The following RIGI variants were observed in gnomAD, a reference collection of about 807,000 sequenced individuals.
The protein encoded by RIGI is antiviral innate immune response receptor RIG-I.
At chr9:32,525,673 C>A in the RIGI span, among the ~76,000 whole-genome samples, 3 of 152,296 alleles carry the variant, frequency 2.0e-5, no homozygotes, top group East Asian at 3.9e-4. Flanking sequence ...ATTATCTGCC[C>A]TTTGTGTCCC....
At chr9:32,486,762 G>A in the RIGI span, among the ~76,000 whole-genome samples, 485 of 152,230 alleles carry the variant, frequency 3.2e-3, no homozygotes, top group Non-Finnish European at 4.8e-3. Flanking sequence ...AAGCTCAGAG[G>A]GCAGGAGGAA....
chr9:32,511,137 A>T, the RIGI span, among the ~76,000 whole-genome samples: 2 of 152,216 alleles, frequency 1.3e-5, no homozygotes, highest in Non-Finnish European at 2.9e-5. Flanking sequence ...ACACAATAAT[A>T]GTGGGAGACT....
chr9:32,480,425 G>C, the RIGI span: 1 of 1,394,428 alleles, frequency 7.2e-7, no homozygotes, highest in Non-Finnish European at 9.6e-7. Flanking sequence ...AGTTCAATTC[G>C]TTGTATTTAA....
the RIGI span, chr9:32,457,149 T>A: frequency 3.7e-6 from 6 of 1,613,746 alleles, no homozygotes; most frequent in Non-Finnish European, 4.2e-6. Flanking sequence ...CTGGATCAAA[T>A]GGTATCTTCT....
the RIGI span, among the ~76,000 whole-genome samples, chr9:32,500,245 T>C: frequency 2.6e-5 from 4 of 152,228 alleles, no homozygotes; most frequent in African/African-American, 9.6e-5. Context: ...AGAATCAACC[T>C]GCCACACTCA....
At chr9:32,478,978 A>T in the RIGI span, among the ~76,000 whole-genome samples, 3 of 152,222 alleles carry the variant, frequency 2.0e-5, no homozygotes, top group African/African-American at 7.2e-5. Context: ...GTTTTTGAAA[A>T]ACTATTATAC....
chr9:32,497,152 T>A, the RIGI span, among the ~76,000 whole-genome samples: 5 of 152,216 alleles, frequency 3.3e-5, no homozygotes, highest in African/African-American at 1.2e-4. Context: ...TATAGGCAAC[T>A]TAAGTCTTTA....
At chr9:32,521,821 A>G in the RIGI span, among the ~76,000 whole-genome samples, 3 of 152,140 alleles carry the variant, frequency 2.0e-5, no homozygotes, top group South Asian at 6.2e-4. Context: ...AATGATGATT[A>G]TTATGTTAAA....
chr9:32,497,052 A>T, the RIGI span, among the ~76,000 whole-genome samples: 2 of 152,228 alleles, frequency 1.3e-5, no homozygotes, highest in Admixed American at 1.3e-4. Flanking sequence ...ATTCTCTATA[A>T]ATTTTGGATA....
the RIGI span, among the ~76,000 whole-genome samples, chr9:32,512,769 A>G: frequency 6.6e-6 from 1 of 152,132 alleles, no homozygotes; most frequent in Non-Finnish European, 1.5e-5. Context: ...AGGAAAACAG[A>G]AAGTCCAATT....
the RIGI span, among the ~76,000 whole-genome samples, chr9:32,516,337 C>G: frequency 1.3e-5 from 2 of 152,312 alleles, no homozygotes; most frequent in South Asian, 4.1e-4. Flanking sequence ...GGCTTCTTCC[C>G]TGGCAATACT....
chr9:32,476,157 A>G, the RIGI span, among the ~76,000 whole-genome samples: 2 of 152,166 alleles, frequency 1.3e-5, no homozygotes, highest in East Asian at 3.8e-4. Context: ...AAAATTTAAA[A>G]AGTAAAAAAA....
the RIGI span, among the ~76,000 whole-genome samples, chr9:32,503,296 T>C: frequency 9.8e-5 from 15 of 152,290 alleles, no homozygotes; most frequent in Non-Finnish European, 1.9e-4. Flanking sequence ...ACATTTACTT[T>C]GCATGTGGTC....
At chr9:32,457,483 T>A in the RIGI span, 349 of 815,304 alleles carry the variant, frequency 4.3e-4, 1 homozygote, top group South Asian at 6.1e-3. Context: ...AATTGTGATT[T>A]AAAAAAAAAA....
the RIGI span, chr9:32,456,108 GGACA>G: frequency 6.6e-6 from 1 of 152,164 alleles, no homozygotes; most frequent in African/African-American, 2.4e-5. Flanking sequence ...CAAGTAGAAA[GGACA>G]GTCAGACTGC....
the RIGI span, chr9:32,476,834 C>A: frequency 1.3e-5 from 8 of 639,596 alleles, no homozygotes; most frequent in Admixed American, 3.1e-5. Context: ...GTTGCCCAGG[C>A]AGGTCTTGAA....
the RIGI span, among the ~76,000 whole-genome samples, chr9:32,474,884 G>C: frequency 6.6e-6 from 1 of 152,050 alleles, no homozygotes; most frequent in South Asian, 2.1e-4. Flanking sequence ...ATATACTATG[G>C]TCATGGATTA....
the RIGI span, chr9:32,494,051 AT>A: frequency 2.5e-6 from 2 of 806,510 alleles, no homozygotes; most frequent in South Asian, 1.9e-5. Flanking sequence ...AATTCAAAAA[AT>A]ATCTGTAAAT....
the RIGI span, chr9:32,501,066 G>C: frequency 8.3e-7 from 1 of 1,198,176 alleles, no homozygotes. Context: ...AGCATTGGAA[G>C]AATCTTTGGA....
Sources: allele counts gnomAD v4.1 joint callset (sites outside exome capture counted in the v4.1 genomes callset), GRCh38; gene constraint gnomAD v4.1.1; transcripts MANE v1.5; gene names NCBI Gene and HGNC (gene_info 2026-07-23, HGNC 2026-07-21).